The following CADM2 variants were observed in gnomAD, a reference collection of about 807,000 sequenced individuals.
CADM2 encodes immunoglobulin superfamily member 4D.
In CADM2, 12 loss-of-function variants were observed where a neutral mutation model predicts 49.8. That is an observed-to-expected ratio of 0.24 (90% CI 0.15 to 0.39). The LOEUF (loss-of-function observed/expected upper bound fraction) is 0.39. Among genes scored for constraint, CADM2 ranks in the 10% least tolerant of loss-of-function variants. The pLI is 1.00. For synonymous variants in CADM2, 214 were observed against 175.4 expected, an observed-to-expected ratio of 1.22 and a Z score of -1.74; for missense variants, 378 against 492.3, an observed-to-expected ratio of 0.77 and a Z score of 2.20.
chr3:85,751,716 T>C (rs2068867194), intron 2 of CADM2, among the ~76,000 whole-genome samples: 1 of 152,180 alleles, frequency 6.6e-6, no homozygotes, highest in Admixed American at 6.5e-5. Context: ...AGTTAATATA[T>C]TTCTTAAAGG....
At chr3:85,273,486 A>T (rs551001698) in intron 1 of CADM2, among the ~76,000 whole-genome samples, 1 of 151,406 alleles carries the variant, frequency 6.6e-6, no homozygotes, top group African/African-American at 2.4e-5. Flanking sequence ...GGAGGCATTG[A>T]CAAGTAGTCA....
chr3:85,421,862 T>A (rs2036187876), intron 1 of CADM2, among the ~76,000 whole-genome samples: 1 of 152,232 alleles, frequency 6.6e-6, no homozygotes, highest in Non-Finnish European at 1.5e-5. Flanking sequence ...TGGCACTAAG[T>A]ATCAAAACGA....
chr3:85,781,510 C>A (rs1299226820), intron 2 of CADM2, among the ~76,000 whole-genome samples: 2 of 152,072 alleles, frequency 1.3e-5, no homozygotes, highest in Non-Finnish European at 2.9e-5. Flanking sequence ...TACCTAAAGT[C>A]TTCTGAAAGC....
intron 5 of CADM2, among the ~76,000 whole-genome samples, chr3:85,911,796 T>G (rs1717624421): frequency 6.6e-6 from 1 of 152,150 alleles, no homozygotes; most frequent in African/African-American, 2.4e-5. Context: ...TGCATTGTTT[T>G]AATGGAGTAT....
intron 1 of CADM2, among the ~76,000 whole-genome samples, chr3:85,153,866 G>A (rs1432682022): frequency 1.3e-5 from 2 of 152,164 alleles, no homozygotes; most frequent in East Asian, 3.9e-4. Context: ...CAACAGACCT[G>A]CAGCTGAGGG....
intron 1 of CADM2, among the ~76,000 whole-genome samples, chr3:84,973,869 A>G (rs919335786): frequency 2.0e-5 from 3 of 152,158 alleles, no homozygotes; most frequent in African/African-American, 7.2e-5. Context: ...TGGCTTTTTG[A>G]AAGTGTCAGT....
chr3:85,880,865 T>C (rs556783703), intron 3 of CADM2, among the ~76,000 whole-genome samples: 1 of 152,216 alleles, frequency 6.6e-6, no homozygotes, highest in Non-Finnish European at 1.5e-5. Flanking sequence ...TAGAGTTCTT[T>C]GGGGTTTTCC....
chr3:85,942,165 A>G lies in CADM2; in HGVS notation c.791+6308A>G, dbSNP rs542408454. On this transcript the variant is annotated intron_variant, in intron 7 of 9. Transcript: ENST00000383699. ...CAATAACTCAATAAAGTTGGCAAAC[A>G]TTGAAGAGTTCTAAAAAATTGCTAG... Among the ~76,000 whole-genome samples, 9 of 152,116 alleles carry G rather than the reference A, an allele frequency of 5.9e-5. 1 individual carries two copies. Among genetic ancestry groups the G allele is most frequent in the African/African-American group, 2.2e-4 (9 of 41,550 alleles).
At chr3:85,863,172 G>A (rs2108328268) in intron 3 of CADM2, among the ~76,000 whole-genome samples, 1 of 152,282 alleles carries the variant, frequency 6.6e-6, no homozygotes, top group South Asian at 2.1e-4. Context: ...ATAAGCAGGT[G>A]ATAGGCATGA....
intron 1 of CADM2, among the ~76,000 whole-genome samples, chr3:85,716,488 T>G (rs2067298163): frequency 6.6e-6 from 1 of 152,234 alleles, no homozygotes; most frequent in Non-Finnish European, 1.5e-5. Context: ...TCTTTTGCTC[T>G]TCAGAAGTTC....
intron 1 of CADM2, among the ~76,000 whole-genome samples, chr3:85,704,602 T>G (rs2066880437): frequency 6.6e-6 from 1 of 152,086 alleles, no homozygotes; most frequent in African/African-American, 2.4e-5. Flanking sequence ...CTCTACCTCA[T>G]AACCTAATGA....
chr3:85,656,572 C>T (rs1379597673), intron 1 of CADM2, among the ~76,000 whole-genome samples: 1 of 152,032 alleles, frequency 6.6e-6, no homozygotes, highest in Non-Finnish European at 1.5e-5. Flanking sequence ...GCTGAGATTG[C>T]ACCATTGCAC....
intron 3 of CADM2, among the ~76,000 whole-genome samples, chr3:85,879,536 A>T (rs989758475): frequency 1.3e-5 from 2 of 152,166 alleles, no homozygotes; most frequent in African/African-American, 4.8e-5. Flanking sequence ...CACATAGGGA[A>T]GGTGCAGGTA....
At chr3:85,431,633 T>C (rs1011988345) in intron 1 of CADM2, among the ~76,000 whole-genome samples, 2 of 151,224 alleles carry the variant, frequency 1.3e-5, no homozygotes, top group African/African-American at 4.9e-5. Context: ...GAAGGATTTA[T>C]TTGGAGCCTA....
chr3:85,262,443 A>G lies in CADM2; in HGVS notation c.61+302775A>G, dbSNP rs547757632. On this transcript the variant is annotated intron_variant, in intron 1 of 9. Coordinates refer to ENST00000383699, the MANE Select transcript of CADM2 (RefSeq NM_001167675.2). ...CAAGTTGACATGGATTCTTTATTCA[A>G]TAATAGTCCAGTTTTTTATTTAATA... Among the ~76,000 whole-genome samples the G allele has an allele frequency of 5.3e-5, 8 of 152,204 alleles. No homozygotes were observed. The South Asian group carries it at 1.2e-3, about 24-fold the overall frequency.
intron 1 of CADM2, among the ~76,000 whole-genome samples, chr3:85,176,064 G>A (rs1293240212): frequency 6.6e-6 from 1 of 150,822 alleles, no homozygotes; most frequent in Non-Finnish European, 1.5e-5. Context: ...CTAATCTTTT[G>A]ATACATGGAG....
chr3:85,165,683 T>C (rs1576023494), intron 1 of CADM2, among the ~76,000 whole-genome samples: 3 of 151,842 alleles, frequency 2.0e-5, no homozygotes, highest in Admixed American at 2.0e-4. Flanking sequence ...AGTTTATATA[T>C]ACTGAAGAAG....
At chr3:85,007,006 C>T (rs1485596709) in intron 1 of CADM2, among the ~76,000 whole-genome samples, 1 of 152,032 alleles carries the variant, frequency 6.6e-6, no homozygotes, top group Non-Finnish European at 1.5e-5. Flanking sequence ...AAAGCTTAAT[C>T]AAATTAATTC....
At chr3:85,338,291 A>G (rs775774695) in intron 1 of CADM2, among the ~76,000 whole-genome samples, 3 of 151,618 alleles carry the variant, frequency 2.0e-5, no homozygotes, top group South Asian at 4.1e-4. Flanking sequence ...TATTAGATAC[A>G]TGTCAATTTT....
Sources: gnomAD v4.1 joint callset for allele counts (sites outside exome capture counted in the v4.1 genomes callset) on GRCh38, gnomAD v4.1.1 for gene constraint, MANE v1.5 for transcripts, NCBI Gene and HGNC (gene_info 2026-07-23, HGNC 2026-07-21) for gene names.